CYP4F2: variants seen among roughly 807,000 people sequenced by gnomAD.
CYP4F2 encodes cytochrome P450 4F2.
A neutral mutation model predicts 58.9 loss-of-function variants in CYP4F2; 58 were observed. That is an observed-to-expected ratio of 0.98 (90% CI 0.80 to 1.23). The LOEUF (loss-of-function observed/expected upper bound fraction) is 1.23. Ranked by LOEUF, CYP4F2 falls within the 50% of genes most tolerant of loss-of-function variation. The pLI is 0.00. For synonymous variants in CYP4F2, 287 were observed against 261.1 expected, an observed-to-expected ratio of 1.10 and a Z score of -0.95; for missense variants, 616 against 685.6, an observed-to-expected ratio of 0.90 and a Z score of 1.13.
At position 15,881,547 on chromosome 19, in the gene CYP4F2, GATAC is replaced by G. The variant is rs1206778621; in HGVS notation, c.1116-1654_1116-1651del. On this transcript the variant is annotated intron_variant, in intron 9 of 12. Transcript: ENST00000221700. ...TATATAGATAGTAGATAGGTATATA[GATAC>G]ATAGATAGATGATGGATAGATAGAT... 6.0e-5 allele frequency among the ~76,000 whole-genome samples: 9 copies of G among 149,936 alleles called. No individual in the cohort carries two copies. In the East Asian group the frequency reaches 1.6e-3, roughly 26 times the overall value.
chr19:15,883,094 A>G (rs1162446073), intron 9 of CYP4F2, among the ~76,000 whole-genome samples: 1 of 152,188 alleles, frequency 6.6e-6, no homozygotes, highest in African/African-American at 2.4e-5. Flanking sequence ...AAGACCTCAA[A>G]AGCACAGGCA....
intron 7 of CYP4F2, among the ~76,000 whole-genome samples, chr19:15,887,951 C>T (rs1400316795): frequency 6.6e-6 from 1 of 151,772 alleles, no homozygotes; most frequent in East Asian, 1.9e-4. Flanking sequence ...CACAGACACA[C>T]ACACACATAG....
chr19:15,886,333 C>CA (rs761217953), intron 7 of CYP4F2, 25 bp from the exon 8 acceptor site: 62 of 1,602,138 alleles, frequency 3.9e-5, no homozygotes, highest in Admixed American at 5.0e-5. Flanking sequence ...GTAACCCCCC[C>CA]CAACCCCCAC....
chr19:15,897,340 CA>C, intron 2 of CYP4F2, 73 bp downstream of exon 2: 1 of 1,394,310 alleles, frequency 7.2e-7, no homozygotes, highest in South Asian at 1.2e-5. Flanking sequence ...CCTTCACCCC[CA>C]CTCCCTAAGC....
chr19:15,895,366 G>T, intron 3 of CYP4F2, 140 bp downstream of exon 3: 1 of 1,160,818 alleles, frequency 8.6e-7, no homozygotes, highest in South Asian at 2.0e-5. Flanking sequence ...GGAAATTGAT[G>T]AATACATGAA....
rs569387954 is a variant in CYP4F2, at chr19:15,889,054, A to G, written c.918+369T>C. ...GATATGGCCAATTACAAAGACAAAG[A>G]CATACACATAGTCACAGTCATAGAG... On this transcript the variant is annotated intron_variant, in intron 7 of 12. Transcript: ENST00000221700. Among the ~76,000 whole-genome samples the G allele has an allele frequency of 3.9e-5, 6 of 152,340 alleles. No individual in the cohort carries two copies. The East Asian group carries it at 1.2e-3, about 29-fold the overall frequency.
Position 15,886,326 on chromosome 19 carries a change from A to ACCCCCCCCCCACCCCC in CYP4F2, c.919-19_919-18insGGGGGTGGGGGGGGGG, listed in dbSNP as rs3093159. 8 of 1,517,566 alleles carry ACCCCCCCCCCACCCCC rather than the reference A, an allele frequency of 5.3e-6. No individual in the cohort carries two copies. The highest frequency in any genetic ancestry group is 2.5e-5 in the East Asian group (1 of 39,518). The allele number at this position is 1,517,566 out of a possible 1,614,324, so 94.0% of individuals were successfully genotyped here. ...TCTTCATCCTGGAGAGAAGGCAGTA[A>ACCCCCCCCCCACCCCC]CCCCCCCCAACCCCCACCCCCATAA... On this transcript the variant is annotated intron_variant, in intron 7 of 12. Transcript: ENST00000221700.
chr19:15,889,028 A>T (rs1396665867), intron 7 of CYP4F2, among the ~76,000 whole-genome samples: 1 of 152,340 alleles, frequency 6.6e-6, no homozygotes, highest in East Asian at 1.9e-4. Flanking sequence ...AAAGACATAC[A>T]GATATGGCCA....
At chr19:15,891,808 C>A (rs888719598) in intron 5 of CYP4F2, among the ~76,000 whole-genome samples, 2 of 152,168 alleles carry the variant, frequency 1.3e-5, no homozygotes, top group African/African-American at 2.4e-5. Context: ...AGAACCCAAA[C>A]ATGTCCCAGC....
chr19:15,895,558 G>C lies in CYP4F2; in HGVS notation c.291C>G (p.Pro97=), dbSNP rs139580343. The C allele has an allele frequency of 5.8e-6, 9 of 1,555,350 alleles. No individual in the cohort carries two copies. In the East Asian group the frequency reaches 7.3e-5, roughly 13 times the overall value. The change falls in exon 3 of 13, where the codon CCC becomes CCG. Residue 97 remains proline (P), a synonymous_variant. Coordinates refer to ENST00000221700, the MANE Select transcript of CYP4F2 (RefSeq NM_001082.5). ...TGTCGGGGTGGCACAAACTGAGGAG[G>C]GGGGAGATGGGTCCCATCCAGACCT... The part of the protein sequence containing the change: ...GFKVWMGPIS[P]LLSLCHPDII...
At chr19:15,892,805 G>A (rs934828369) in intron 3 of CYP4F2, among the ~76,000 whole-genome samples, 2 of 152,170 alleles carry the variant, frequency 1.3e-5, no homozygotes, top group African/African-American at 4.8e-5. Flanking sequence ...AACATGGCGT[G>A]TAGGAGCTAT....
At chr19:15,891,295 GC>G (rs2089414878) in intron 5 of CYP4F2, among the ~76,000 whole-genome samples, 1 of 152,132 alleles carries the variant, frequency 6.6e-6, no homozygotes, top group Admixed American at 6.6e-5. Flanking sequence ...ACCTGTGTCA[GC>G]CCATGGGATT....
Position 15,889,676 on chromosome 19 carries a change from A to G in CYP4F2, c.665T>C (p.Ile222Thr), listed in dbSNP as rs1390694686. ...SHCQEKPSEYIAAILELSALV... is the reference protein window; with the variant it reads ...SHCQEKPSEYTAAILELSALV... ...GGCACTGAGCTCCAAGATGGCGGCA[A>G]TATATTCACTGGGTTTCCTGCAGGA... Residue 222 changes from isoleucine to threonine, a missense_variant, in exon 7 of 13, where the codon ATT (isoleucine) becomes ACT (threonine). By Grantham distance (89) the Ile-to-Thr change is moderately conservative. Transcript: ENST00000221700. 1 of 1,613,964 alleles carries G rather than the reference A, an allele frequency of 6.2e-7. No homozygotes were observed. The highest frequency in any genetic ancestry group is 1.1e-5 in the South Asian group (1 of 91,072).
chr19:15,892,684 T>C, intron 3 of CYP4F2, 102 bp from the exon 4 acceptor site: 1 of 1,521,538 alleles, frequency 6.6e-7, no homozygotes, highest in East Asian at 2.3e-5. Context: ...TCTCCCACTC[T>C]GAGCCCCACA....
chr19:15,897,395 A>C lies in CYP4F2; in HGVS notation c.198+19T>G. On this transcript the variant is annotated intron_variant, in intron 2 of 12. Transcript: ENST00000221700. ...TCCATCCATCCTGAGACCTAGACCC[A>C]TCCTGCTGCCACACTCACCATGCCC... 3.3e-6 allele frequency: 5 copies of C among 1,518,526 alleles called. No homozygotes were observed. The highest frequency in any genetic ancestry group is 4.4e-6 in the Non-Finnish European group (5 of 1,123,932). The allele number at this position is 1,518,526 out of a possible 1,614,324, so 94.1% of individuals were successfully genotyped here. A position where few individuals can be genotyped will look rare whatever the true frequency, so the allele number is the denominator to read the frequency against.
chr19:15,881,958 G>T (rs1411686765), intron 9 of CYP4F2, among the ~76,000 whole-genome samples: 1 of 152,134 alleles, frequency 6.6e-6, no homozygotes, highest in Non-Finnish European at 1.5e-5. Context: ...AGAAACAGGA[G>T]TGGAGGTCGG....
At chr19:15,895,151 C>A (rs564153460) in intron 3 of CYP4F2, among the ~76,000 whole-genome samples, 1 of 152,308 alleles carries the variant, frequency 6.6e-6, no homozygotes, top group Non-Finnish European at 1.5e-5. Context: ...CAGCAGAGAC[C>A]TTGTTCTTCC....
At chr19:15,884,906 C>T (rs1599350192) in intron 9 of CYP4F2, among the ~76,000 whole-genome samples, 1 of 152,250 alleles carries the variant, frequency 6.6e-6, no homozygotes, top group Admixed American at 6.5e-5. Flanking sequence ...GTGACCTGTC[C>T]CTACACTGCT....
At chr19:15,880,519 T>G (rs1220591728) in intron 9 of CYP4F2, among the ~76,000 whole-genome samples, 1 of 151,832 alleles carries the variant, frequency 6.6e-6, no homozygotes. Context: ...TCCCAGCTAC[T>G]CGGGAGGCTG....
Sources: gnomAD v4.1 joint callset for allele counts (sites outside exome capture counted in the v4.1 genomes callset) on GRCh38, gnomAD v4.1.1 for gene constraint, MANE v1.5 for transcripts, NCBI Gene and HGNC (gene_info 2026-07-23, HGNC 2026-07-21) for gene names.